The following PPP1R7 variants were observed in gnomAD, a reference collection of about 807,000 sequenced individuals.
PPP1R7 encodes the protein protein phosphatase 1 regulatory subunit 22.
PPP1R7 carries 18 observed loss-of-function variants against 45.2 expected under a neutral mutation model. The observed-to-expected ratio is 0.40, with a 90% CI of 0.28 to 0.59. The LOEUF is 0.59. Among genes scored for constraint, PPP1R7 ranks in the 20% least tolerant of loss-of-function variants. The pLI, the probability that PPP1R7 is intolerant of heterozygous loss-of-function variation, is 0.46. For synonymous variants in PPP1R7, 181 were observed against 183.4 expected, an observed-to-expected ratio of 0.99 and a Z score of 0.11; for missense variants, 314 against 455.8, an observed-to-expected ratio of 0.69 and a Z score of 2.83.
At chr2:241,169,490 A>G (rs1392213306) in intron 8 of PPP1R7, among the ~76,000 whole-genome samples, 1 of 152,172 alleles carries the variant, frequency 6.6e-6, no homozygotes, top group Admixed American at 6.5e-5. Context: ...GTCTGTCTCA[A>G]TGGACAGGGA....
At chr2:241,150,038 G>A, upstream of PPP1R7, 4 of 1,371,998 alleles carry the variant, frequency 2.9e-6, no homozygotes, top group South Asian at 6.3e-5. Context: ...AGCCAGCGAG[G>A]CTCGCAGAGG....
At chr2:241,182,029 CTTCCTGCCAAAGG>C (rs1400610775) in intron 9 of PPP1R7, among the ~76,000 whole-genome samples, 1 of 151,888 alleles carries the variant, frequency 6.6e-6, no homozygotes, top group African/African-American at 2.4e-5. Flanking sequence ...CAAGAGAACT[CTTCCTGCCAAAGG>C]CAGGTCCCTC....
At chr2:241,160,854 A>G (rs1337733596) in intron 6 of PPP1R7, among the ~76,000 whole-genome samples, 1 of 152,158 alleles carries the variant, frequency 6.6e-6, no homozygotes, top group East Asian at 1.9e-4. Context: ...CTTCTTCGAG[A>G]TGAAAGTTTC....
At chr2:241,157,902 G>A (rs534870582) in intron 3 of PPP1R7, 40 bp downstream of exon 3, 3 of 1,575,042 alleles carry the variant, frequency 1.9e-6, no homozygotes, top group South Asian at 2.2e-5. Flanking sequence ...GCGTGGTGAT[G>A]GACCACCCTG....
At chr2:241,165,276 C>T (rs975775672) in intron 7 of PPP1R7, among the ~76,000 whole-genome samples, 1 of 151,596 alleles carries the variant, frequency 6.6e-6, no homozygotes, top group Non-Finnish European at 1.5e-5. Flanking sequence ...AAGCGATTCT[C>T]CTGCCTCAGT....
chr2:241,163,809 C>G (rs1297184641), intron 7 of PPP1R7, among the ~76,000 whole-genome samples: 1 of 152,122 alleles, frequency 6.6e-6, no homozygotes, highest in Non-Finnish European at 1.5e-5. Flanking sequence ...GAGATGAGGT[C>G]TCACTATGTT....
In PPP1R7 at chr2:241,182,888, C is replaced by A; in HGVS notation, c.*65C>A. 6.5e-7 allele frequency: 1 copy of A among 1,541,622 alleles called. No individual in the cohort carries two copies. On this transcript the variant is annotated 3_prime_UTR_variant, in exon 10 of 10. Coordinates refer to ENST00000234038, the MANE Select transcript of PPP1R7 (RefSeq NM_002712.3). The stretch of plus-strand genomic sequence containing the variant: ...AACTGCCCAGCCACGGGTTTTTAAC[C>A]CACCTGTTGCTCCTGAGGTCGTCAC...
intron 1 of PPP1R7, among the ~76,000 whole-genome samples, chr2:241,153,251 C>G (rs1433129795): frequency 6.6e-6 from 1 of 152,200 alleles, no homozygotes; most frequent in Non-Finnish European, 1.5e-5. Flanking sequence ...GTAGTGTGTT[C>G]CTCACCTAAG....
chr2:241,153,371 A>G (rs1166945225), intron 1 of PPP1R7, 105 bp from the exon 2 acceptor site: 6 of 1,473,420 alleles, frequency 4.1e-6, no homozygotes, highest in Non-Finnish European at 5.6e-6. Context: ...GATTCAACAA[A>G]CATGTTTAAA....
chr2:241,170,925 C>G (rs993899141), intron 9 of PPP1R7, among the ~76,000 whole-genome samples: 9 of 152,100 alleles, frequency 5.9e-5, no homozygotes, highest in African/African-American at 1.9e-4. Context: ...GCAGCCCACC[C>G]TTGAAGGAAG....
rs2068045722 is a variant in PPP1R7, at chr2:241,183,505, C to G, written c.*682C>G. 1 of 465,482 alleles carries G rather than the reference C, an allele frequency of 2.1e-6. No homozygotes were observed. 28.8% of individuals were successfully genotyped at this position (465,482 alleles called of 1,614,324 possible). A position where few individuals can be genotyped will look rare whatever the true frequency, so the allele number is the denominator to read the frequency against. ...AGGGTGTCCTGTGTCCCACACGGTG[C>G]TGTGCTGCTGCCAGAATACGAGTCC... On this transcript the variant is annotated 3_prime_UTR_variant, in exon 10 of 10. Coordinates refer to ENST00000234038, the MANE Select transcript of PPP1R7 (RefSeq NM_002712.3).
intron 7 of PPP1R7, among the ~76,000 whole-genome samples, chr2:241,164,311 T>C (rs568360722): frequency 1.3e-5 from 2 of 152,350 alleles, no homozygotes; most frequent in Non-Finnish European, 2.9e-5. Context: ...TTCTAAATTC[T>C]AAAGTGTTTG....
intron 7 of PPP1R7, among the ~76,000 whole-genome samples, chr2:241,165,650 A>G (rs6437243): frequency 0.5 from 74,881 of 150,636 alleles, 18,698 homozygotes; most frequent in East Asian, 0.68. Flanking sequence ...CTGGAGTGCA[A>G]TGGTGCAATC....
At chr2:241,168,956 C>T (rs1324326889) in intron 8 of PPP1R7, among the ~76,000 whole-genome samples, 2 of 152,172 alleles carry the variant, frequency 1.3e-5, no homozygotes, top group African/African-American at 4.8e-5. Context: ...GGGAGCAGAG[C>T]GTGAGGGCAG....
At chr2:241,156,455 G>A (rs190283048) in intron 2 of PPP1R7, among the ~76,000 whole-genome samples, 12 of 152,316 alleles carry the variant, frequency 7.9e-5, no homozygotes, top group Admixed American at 6.5e-5. Flanking sequence ...AGGATCACTT[G>A]AGGCTAGGAG....
In PPP1R7 at chr2:241,166,452, C is replaced by T. The variant is rs2067711993; in HGVS notation, c.819+11C>T. ...GGCCTGGAGAACAATGTAAGACACC[C>T]ACTGTCTGTCTGGGGCTGTGTGGGC... On this transcript the variant is annotated intron_variant, in intron 8 of 9. Transcript: ENST00000234038. The T allele has an allele frequency of 6.2e-7, 1 of 1,611,240 alleles. No homozygotes were observed. Among genetic ancestry groups the T allele is most frequent in the East Asian group, 2.2e-5 (1 of 44,828 alleles).
intron 6 of PPP1R7, 91 bp downstream of exon 6, chr2:241,160,585 G>A: frequency 1.8e-6 from 2 of 1,113,794 alleles, no homozygotes; most frequent in South Asian, 3.9e-5. Flanking sequence ...AATGCATGGT[G>A]AGTCTGCATT....
chr2:241,160,015 G>A (rs2067548811), intron 5 of PPP1R7, among the ~76,000 whole-genome samples: 1 of 152,184 alleles, frequency 6.6e-6, no homozygotes, highest in Admixed American at 6.5e-5. Context: ...GCAGAGCCTG[G>A]TGTGAGGTCC....
At chr2:241,149,576 GA>G, upstream of PPP1R7, 1 of 1,410,808 alleles carries the variant, frequency 7.1e-7, no homozygotes, top group Non-Finnish European at 9.6e-7. Context: ...CCAGAGTCTA[GA>G]AGCCCGCGCT....
Sources: gnomAD v4.1 joint callset for allele counts (sites outside exome capture counted in the v4.1 genomes callset) on GRCh38, gnomAD v4.1.1 for gene constraint, MANE v1.5 for transcripts, NCBI Gene and HGNC (gene_info 2026-07-23, HGNC 2026-07-21) for gene names.